TANGO2: variants seen among roughly 807,000 people sequenced by gnomAD.
TANGO2 encodes the protein transport and golgi organization 2 homolog.
In TANGO2, 26 loss-of-function variants were observed where a neutral mutation model predicts 39.1. The ratio of observed to expected loss-of-function variants is 0.67; its 90% CI spans 0.49 to 0.92. The LOEUF is 0.92. Among genes scored for constraint, TANGO2 ranks in the 40% least tolerant of loss-of-function variants. The pLI, the probability that TANGO2 is intolerant of heterozygous loss-of-function variation, is 0.00. For missense variants in TANGO2, 326 were observed against 360.1 expected, an observed-to-expected ratio of 0.91 and a Z score of 0.77; for synonymous variants, 131 against 144.5, an observed-to-expected ratio of 0.91 and a Z score of 0.67.
intron 2 of TANGO2, among the ~76,000 whole-genome samples, chr22:20,038,935 TTTA>T (rs750402154): frequency 1.3e-5 from 2 of 150,352 alleles, no homozygotes; most frequent in African/African-American, 2.5e-5. Context: ...GTTTTTTTTT[TTTA>T]TTATTATTAT....
At chr22:20,055,904 T>C (rs778048366) in intron 5 of TANGO2, 39 bp from the exon 6 acceptor site, 1 of 1,571,690 alleles carries the variant, frequency 6.4e-7, no homozygotes, top group Admixed American at 1.7e-5. Flanking sequence ...GAGGACGCCC[T>C]ATGGCTGTAG....
At chr22:20,061,357 A>T (rs1028304026) in intron 6 of TANGO2, 173 bp from the exon 7 acceptor site, 4 of 679,660 alleles carry the variant, frequency 5.9e-6, no homozygotes, top group African/African-American at 3.6e-5. Flanking sequence ...TTGCCATGCC[A>T]TCAGGTCAGG....
rs1043468690 is a variant in TANGO2 at position 20,043,216 on chromosome 22, T to A, written c.57-139T>A. On this transcript the variant is annotated intron_variant, in intron 2 of 8. Transcript: ENST00000327374. Reference sequence around the variant, plus strand: ...ACGGTGCTCCTTCCTCCAGTGTGGGTGCAGCAGGACTGCCGGCTTCCTGCC... The same window carrying A: ...ACGGTGCTCCTTCCTCCAGTGTGGGAGCAGCAGGACTGCCGGCTTCCTGCC... The A allele has an allele frequency of 4.7e-6, 3 of 643,286 alleles. No homozygotes were observed. In the African/African-American group the frequency reaches 5.4e-5, roughly 12 times the overall value. 39.8% of individuals were successfully genotyped at this position (643,286 alleles called of 1,614,324 possible).
intron 6 of TANGO2, among the ~76,000 whole-genome samples, chr22:20,059,321 G>T (rs558507961): frequency 6.6e-6 from 1 of 152,308 alleles, no homozygotes; most frequent in East Asian, 1.9e-4. Flanking sequence ...CCTTTTGGCT[G>T]TTGGAAACAG....
chr22:20,029,370 G>A (rs930266421), intron 1 of TANGO2, among the ~76,000 whole-genome samples: 1 of 152,166 alleles, frequency 6.6e-6, no homozygotes, highest in African/African-American at 2.4e-5. Flanking sequence ...GAAAGCTTCC[G>A]TCCTTCACAG....
chr22:20,060,672 G>A lies in TANGO2; in HGVS notation c.452-858G>A, dbSNP rs529363298. 5.3e-5 allele frequency among the ~76,000 whole-genome samples: 8 copies of A among 152,286 alleles called. No homozygotes were observed. The East Asian group carries it at 1.5e-3, about 29-fold the overall frequency. On this transcript the variant is annotated intron_variant, in intron 6 of 8. Coordinates refer to ENST00000327374, the MANE Select transcript of TANGO2 (RefSeq NM_152906.7). The stretch of plus-strand genomic sequence containing the variant: ...TTGTTCATGATGGAAAAAGCACTGT[G>A]ACACCTGGGGCTGGCGGCTTGGCTC...
chr22:20,064,393 C>T (rs2048933580), intron 8 of TANGO2, 149 bp from the exon 9 acceptor site: 1 of 944,406 alleles, frequency 1.1e-6, no homozygotes, highest in African/African-American at 1.6e-5. Context: ...ATCCCCAAGA[C>T]TGAGGCTGCT....
rs765573865 is a variant in TANGO2 at position 20,063,411 on chromosome 22, G to A, written c.679G>A (p.Val227Met). Residue 227 changes from valine to methionine, a missense_variant, in exon 8 of 9, where the codon GTG becomes ATG. Val to Met is a conservative substitution (Grantham distance 21). Transcript: ENST00000327374. ...GCCCATGCTGAGCAAGTACGCGGCT[G>A]TGTGCGTGCGCTGCCCTGGCTACGG... ...VQPMLSKYAA[V>M]CVRCPGYGTR... 6 of 1,613,296 alleles carry A rather than the reference G, an allele frequency of 3.7e-6. No individual in the cohort carries two copies. The highest frequency in any genetic ancestry group is 1.3e-5 in the African/African-American group (1 of 74,942).
chr22:20,032,988 A>C (rs912259694), intron 1 of TANGO2, among the ~76,000 whole-genome samples: 1 of 152,020 alleles, frequency 6.6e-6, no homozygotes, highest in Non-Finnish European at 1.5e-5. Context: ...TGTAGGACCT[A>C]GGGAACCTGC....
At chr22:20,026,741 G>T (rs2040839952) in intron 1 of TANGO2, among the ~76,000 whole-genome samples, 1 of 152,208 alleles carries the variant, frequency 6.6e-6, no homozygotes, top group Non-Finnish European at 1.5e-5. Flanking sequence ...GTCACAAGTT[G>T]CCCAGCCAGT....
chr22:20,018,050 G>T (rs796690706), upstream of TANGO2, among the ~76,000 whole-genome samples: 47 of 152,316 alleles, frequency 3.1e-4, 1 homozygote, highest in African/African-American at 1.1e-3. Flanking sequence ...CACCCATATT[G>T]GGAGTCCAGT....
intron 1 of TANGO2, among the ~76,000 whole-genome samples, chr22:20,023,132 T>C (rs2040032907): frequency 6.6e-6 from 1 of 152,216 alleles, no homozygotes. Flanking sequence ...AGTTTATGCA[T>C]GCTTAAAGAT....
intron 1 of TANGO2, among the ~76,000 whole-genome samples, chr22:20,027,311 T>C (rs1392423861): frequency 6.6e-6 from 1 of 152,174 alleles, no homozygotes; most frequent in Non-Finnish European, 1.5e-5. Flanking sequence ...ACGTGAGATT[T>C]GGTGGGGACA....
intron 3 of TANGO2, 48 bp downstream of exon 3, chr22:20,043,491 T>C (rs1200256644): frequency 2.9e-6 from 4 of 1,394,708 alleles, no homozygotes; most frequent in Middle Eastern, 1.8e-4. Flanking sequence ...GTTGCTTCCC[T>C]AGCCCCTGCG....
At chr22:20,037,006 G>T in intron 2 of TANGO2, 152 bp downstream of exon 2, 1 of 1,586,010 alleles carries the variant, frequency 6.3e-7, no homozygotes, top group Non-Finnish European at 8.6e-7. Flanking sequence ...GGGTCACTCA[G>T]TGTGGGATGC....
intron 1 of TANGO2, among the ~76,000 whole-genome samples, chr22:20,031,866 CAG>C (rs2041929228): frequency 6.6e-6 from 1 of 152,218 alleles, no homozygotes; most frequent in Non-Finnish European, 1.5e-5. Context: ...CTGACTCTCT[CAG>C]GGGCTGCCAG....
chr22:20,026,376 C>T (rs975763637), intron 1 of TANGO2, among the ~76,000 whole-genome samples: 1 of 145,118 alleles, frequency 6.9e-6, no homozygotes, highest in African/African-American at 2.6e-5. Flanking sequence ...CCAGCCTGGG[C>T]GACATAGCGA....
At chr22:20,029,179 G>A (rs142417111) in intron 1 of TANGO2, among the ~76,000 whole-genome samples, 19 of 152,304 alleles carry the variant, frequency 1.2e-4, no homozygotes, top group South Asian at 6.2e-4. Flanking sequence ...AGTTTAGCCC[G>A]TTTCCATTTG....
rs772142964 is a variant in TANGO2 at position 20,061,724 on chromosome 22, G to A, written c.605+41G>A. 12 of 1,507,180 alleles carry A rather than the reference G, an allele frequency of 8.0e-6. No individual in the cohort carries two copies. The East Asian group carries it at 1.5e-4, about 19-fold the overall frequency. The allele number at this position is 1,507,180 out of a possible 1,614,324, so 93.4% of individuals were successfully genotyped here. The stretch of plus-strand genomic sequence containing the variant: ...CTGCTGGGGTGAGCCCCAGTGTCCC[G>A]CCACCAGGGCAGAGGGAAAGGCAGG... On this transcript the variant is annotated intron_variant, in intron 7 of 8. Coordinates refer to ENST00000327374, the MANE Select transcript of TANGO2 (RefSeq NM_152906.7).
Sources: allele counts gnomAD v4.1 joint callset (sites outside exome capture counted in the v4.1 genomes callset), GRCh38; gene constraint gnomAD v4.1.1; transcripts MANE v1.5; gene names NCBI Gene and HGNC (gene_info 2026-07-23, HGNC 2026-07-21).